COL4A3: variants seen among roughly 807,000 people sequenced by gnomAD.
COL4A3 encodes the protein collagen type IV alpha 3 chain.
In COL4A3, 135 loss-of-function variants were observed where a neutral mutation model predicts 217.4. The observed-to-expected ratio is 0.62, with a 90% confidence interval of 0.54 to 0.72. The LOEUF (loss-of-function observed/expected upper bound fraction) is 0.72, where lower values mean the gene tolerates loss of function less well. COL4A3 is among the 30% of genes least tolerant of loss of function. The pLI, the probability that COL4A3 is intolerant of heterozygous loss-of-function variation, is 0.00. For missense variants in COL4A3, 1,868 were observed against 2,119.9 expected (o/e 0.88, Z 2.33); for synonymous variants, 690 against 736.3 (o/e 0.94, Z 1.02).
chr2:227,170,194 A>G (rs764023686), intron 1 of COL4A3, among the ~76,000 whole-genome samples: 7 of 151,462 alleles, frequency 4.6e-5, no homozygotes, highest in Non-Finnish European at 8.8e-5. Flanking sequence ...AAGCAATATT[A>G]TTGAATTTTC....
At position 227,164,631 on chromosome 2, in the gene COL4A3, C is replaced by A; in HGVS notation, c.-96C>A. 6.6e-7 allele frequency: 1 copy of A among 1,511,236 alleles called. No individual in the cohort carries two copies. The highest frequency in any genetic ancestry group is 2.0e-5 in the Admixed American group (1 of 50,704). 93.6% of individuals were successfully genotyped at this position (1,511,236 alleles called of 1,614,324 possible). On this transcript the variant is annotated 5_prime_UTR_variant, in exon 1 of 52. Transcript: ENST00000396578. The surrounding 1 kb of genome is among the most constrained non-coding windows in gnomAD (Gnocchi z 4.8). ...CCGGCCGAGTGGCGAGGCGAGCTTTCCAGCCGGGCTCCCAGAGCCGCGCTG... is the reference window on the plus strand; with the variant it reads ...CCGGCCGAGTGGCGAGGCGAGCTTTACAGCCGGGCTCCCAGAGCCGCGCTG...
chr2:227,312,204 C>T lies in COL4A3; in HGVS notation c.*334C>T, dbSNP rs559444827. ...GCTGCAAGTTATGAAATATTTGGCC[C>T]GCTGGATTCCCACATTTGTCTTCTT... On this transcript the variant is annotated 3_prime_UTR_variant, in exon 52 of 52. Transcript: ENST00000396578. 9.7e-5 allele frequency: 26 copies of T among 269,302 alleles called. No individual in the cohort carries two copies. The highest frequency in any genetic ancestry group is 7.6e-4 in the Admixed American group (15 of 19,752). The allele number at this position is 269,302 out of a possible 1,614,324, so 16.7% of individuals were successfully genotyped here.
intron 1 of COL4A3, among the ~76,000 whole-genome samples, chr2:227,183,531 G>A (rs1372594098): frequency 3.3e-5 from 5 of 152,132 alleles, no homozygotes; most frequent in Non-Finnish European, 7.4e-5. Context: ...GTCAGACCAG[G>A]CATTAGGGGG....
At chr2:227,232,519 T>G (rs1453902828) in intron 1 of COL4A3, among the ~76,000 whole-genome samples, 1 of 152,160 alleles carries the variant, frequency 6.6e-6, no homozygotes, top group East Asian at 1.9e-4. Flanking sequence ...TTTCTCTACT[T>G]CCTTTCCAGC....
intron 26 of COL4A3, among the ~76,000 whole-genome samples, chr2:227,274,896 G>A (rs1437717524): frequency 6.6e-6 from 1 of 152,146 alleles, no homozygotes; most frequent in Non-Finnish European, 1.5e-5. Flanking sequence ...CTCAAGCTAA[G>A]AATGGTTTTC....
At chr2:227,238,205 G>A in intron 2 of COL4A3, 181 bp downstream of exon 2, 1 of 484,558 alleles carries the variant, frequency 2.1e-6, no homozygotes, top group South Asian at 2.2e-5. Flanking sequence ...AAGTCATCTA[G>A]GAAGCTTCAG....
Position 227,282,839 on chromosome 2 carries a change from G to A in COL4A3, c.2656+307G>A, listed in dbSNP as rs74966112. 9.4e-3 allele frequency among the ~76,000 whole-genome samples: 1,432 copies of A among 152,230 alleles called. 14 individuals are homozygous for A. The highest frequency in any genetic ancestry group is 0.033 in the African/African-American group (1,372 of 41,524). On this transcript the variant is annotated intron_variant, in intron 32 of 51. Coordinates refer to ENST00000396578, the MANE Select transcript of COL4A3 (RefSeq NM_000091.5). The surrounding 1 kb of genome is among the most constrained non-coding windows in gnomAD (Gnocchi z 4.4). The stretch of plus-strand genomic sequence containing the variant: ...TTGAGAAGGGATATTGGTCTGTAGC[G>A]TTCTTGTGATGTCTTTGGTGTTGGT...
chr2:227,214,778 G>A lies in COL4A3; in HGVS notation c.88-23190G>A, dbSNP rs1200600639. Among the ~76,000 whole-genome samples the A allele has an allele frequency of 3.3e-5, 5 of 152,190 alleles. No homozygotes were observed. The South Asian group carries it at 8.3e-4, about 25-fold the overall frequency. On this transcript the variant is annotated intron_variant, in intron 1 of 51. Transcript: ENST00000396578. ...CTAGTCCTTTGAAATGTGGTCAGCT[G>A]GATATTGTTAGCCTCCTTGTCATTT...
chr2:227,192,170 A>G (rs1208175272), intron 1 of COL4A3, among the ~76,000 whole-genome samples: 1 of 152,256 alleles, frequency 6.6e-6, no homozygotes, highest in Non-Finnish European at 1.5e-5. Flanking sequence ...ATTGAAAAAC[A>G]GATGGTAAAT....
At chr2:227,266,620 T>C (rs1282890858) in intron 22 of COL4A3, 111 bp downstream of exon 22, 12 of 822,928 alleles carry the variant, frequency 1.5e-5, no homozygotes, top group African/African-American at 8.5e-5. Context: ...CAGTCAGTGA[T>C]GACTTATTTT....
intron 1 of COL4A3, among the ~76,000 whole-genome samples, chr2:227,198,576 T>A (rs868132595): frequency 4.6e-5 from 7 of 152,158 alleles, no homozygotes; most frequent in Admixed American, 6.5e-5. Context: ...AGTCTTTTTT[T>A]AAAAATGTAT....
intron 37 of COL4A3, among the ~76,000 whole-genome samples, chr2:227,291,277 T>C (rs1217385183): frequency 2.6e-5 from 4 of 152,182 alleles, no homozygotes; most frequent in Non-Finnish European, 5.9e-5. Context: ...TAAAAAACAC[T>C]TGTCGGCCGG....
chr2:227,191,618 C>T lies in COL4A3; in HGVS notation c.87+26805C>T, dbSNP rs774822004. Among the ~76,000 whole-genome samples the T allele has an allele frequency of 3.3e-5, 5 of 152,144 alleles. No individual in the cohort carries two copies. The highest frequency in any genetic ancestry group is 7.4e-5 in the Non-Finnish European group (5 of 68,024). ...AGGATGATCAGATTTCAAAGTCGGC[C>T]AAATAACTCATCTTGGAGACAGATG... On this transcript the variant is annotated intron_variant, in intron 1 of 51. Transcript: ENST00000396578. This position sits in a 1 kb window ranked among gnomAD's most constrained non-coding sequence, Gnocchi z 6.8.
intron 28 of COL4A3, chr2:227,279,496 G>T: frequency 2.6e-6 from 1 of 383,964 alleles, no homozygotes; most frequent in Non-Finnish European, 4.8e-6. Flanking sequence ...TACACTGTAT[G>T]TAAAAAATAC....
Position 227,239,430 on chromosome 2 carries a change from C to T in COL4A3, c.145-713C>T, listed in dbSNP as rs181950246. On this transcript the variant is annotated intron_variant, in intron 2 of 51. Transcript: ENST00000396578. The stretch of plus-strand genomic sequence containing the variant: ...GGGGGAAGGTCCTGGAACCAATCCC[C>T]CACCGACACTGAGGGACAAACGTAA... 1.8e-3 allele frequency among the ~76,000 whole-genome samples: 280 copies of T among 152,228 alleles called. 1 individual carries two copies. Among genetic ancestry groups the T allele is most frequent in the Admixed American group, 6.4e-3 (98 of 15,288 alleles).
intron 1 of COL4A3, 132 bp from the exon 2 acceptor site, chr2:227,237,836 A>G: frequency 1.4e-6 from 1 of 725,170 alleles, no homozygotes; most frequent in Non-Finnish European, 2.6e-6. Context: ...ATATATTGCT[A>G]CAAGGTCACC....
intron 34 of COL4A3, among the ~76,000 whole-genome samples, chr2:227,286,169 A>G (rs1402653630): frequency 6.6e-6 from 1 of 152,236 alleles, no homozygotes; most frequent in Non-Finnish European, 1.5e-5. Context: ...CAAGTTTTAC[A>G]ACTATTGACT....
At position 227,246,733 on chromosome 2, in the gene COL4A3, A is replaced by T. The variant is rs2069365088; in HGVS notation, c.436A>T (p.Ile146Phe). ...GLPGTLGYPG[I>F]PGAAGLKGQK... is the part of the protein sequence containing the mutation. ...CCCAGGGACACTGGGCTACCCAGGGATCCCGGTAGGTTTGCATGCCTAATT... is the reference window on the plus strand; with the variant it reads ...CCCAGGGACACTGGGCTACCCAGGGTTCCCGGTAGGTTTGCATGCCTAATT... The change falls in exon 7 of 52, where the codon ATC (isoleucine) becomes TTC (phenylalanine). Residue 146 changes from isoleucine to phenylalanine, a missense_variant. Ile to Phe is a conservative substitution (Grantham distance 21). Coordinates refer to ENST00000396578, the MANE Select transcript of COL4A3 (RefSeq NM_000091.5). The T allele has an allele frequency of 1.2e-6, 2 of 1,612,196 alleles. No individual in the cohort carries two copies. The highest frequency in any genetic ancestry group is 1.7e-6 in the Non-Finnish European group (2 of 1,178,358).
intron 50 of COL4A3, 115 bp downstream of exon 50, chr2:227,309,433 A>C (rs1310518434): frequency 2.5e-6 from 2 of 790,710 alleles, no homozygotes; most frequent in Non-Finnish European, 4.3e-6. Flanking sequence ...TGTGTGCAAC[A>C]TGCCATAGAC....
Sources: allele counts gnomAD v4.1 joint callset (sites outside exome capture counted in the v4.1 genomes callset), GRCh38; gene constraint gnomAD v4.1.1; non-coding constraint Gnocchi (gnomAD v3.1); transcripts MANE v1.5; gene names NCBI Gene and HGNC (gene_info 2026-07-23, HGNC 2026-07-21).